Variants in LIMS1 observed in about 807,000 individuals in gnomAD.
The protein encoded by LIMS1 is LIM and senescent cell antigen-like-containing domain protein 1.
A neutral mutation model predicts 44.1 loss-of-function variants in LIMS1; 18 were observed. That is an observed-to-expected ratio of 0.41 (90% confidence interval 0.28 to 0.61). LIMS1 has a LOEUF of 0.61. LIMS1 is among the 20% of genes least tolerant of loss of function. The pLI is 0.32. For missense variants in LIMS1, 201 were observed against 422.0 expected (o/e 0.48, Z 4.59); for synonymous variants, 93 against 149.1 (o/e 0.62, Z 2.74).
chr2:108,567,382 C>G (rs560483603), intron 1 of LIMS1, among the ~76,000 whole-genome samples: 1 of 151,996 alleles, frequency 6.6e-6, no homozygotes, highest in Non-Finnish European at 1.5e-5. Flanking sequence ...GGGATAGGCT[C>G]CAGCCACCTG....
At chr2:108,685,181 T>C (rs532662935) in exon 10 of LIMS1, 10 of 152,290 alleles carry the variant, frequency 6.6e-5, no homozygotes, top group Non-Finnish European at 1.2e-4. Flanking sequence ...ATAATTAATT[T>C]GATTTATTTA....
chr2:108,608,307 CTT>C (rs113575713), intron 1 of LIMS1, among the ~76,000 whole-genome samples: 7 of 140,694 alleles, frequency 5.0e-5, no homozygotes, highest in Non-Finnish European at 6.2e-5. Flanking sequence ...TTTTCACTCA[CTT>C]TTTTTTTTTT....
intron 1 of LIMS1, among the ~76,000 whole-genome samples, chr2:108,566,338 A>G (rs906277180): frequency 1.3e-5 from 2 of 152,204 alleles, no homozygotes; most frequent in African/African-American, 4.8e-5. Flanking sequence ...CAGAAGAAGA[A>G]TTAAGGAATC....
intron 2 of LIMS1, among the ~76,000 whole-genome samples, chr2:108,667,569 T>TATAC (rs1558837834): frequency 1.3e-5 from 2 of 149,150 alleles, no homozygotes; most frequent in Non-Finnish European, 3.0e-5. Flanking sequence ...TATATATATA[T>TATAC]ACTGCTGGGC....
chr2:108,644,504 A>G (rs1241572905), intron 1 of LIMS1, among the ~76,000 whole-genome samples: 6 of 152,216 alleles, frequency 3.9e-5, no homozygotes, highest in South Asian at 2.1e-4. Flanking sequence ...CACCAACTTC[A>G]AAGACCAAAG....
chr2:108,598,298 C>T (rs973199300), intron 1 of LIMS1, among the ~76,000 whole-genome samples: 16 of 152,136 alleles, frequency 1.1e-4, no homozygotes, highest in African/African-American at 3.6e-4. Context: ...CAAACTTTTT[C>T]ATTTATAAAC....
chr2:108,559,217 A>G (rs1471532161), intron 1 of LIMS1, among the ~76,000 whole-genome samples: 1 of 152,188 alleles, frequency 6.6e-6, no homozygotes, highest in East Asian at 1.9e-4. Flanking sequence ...CATAATCACA[A>G]TATCCCTTGA....
At chr2:108,643,688 GA>G (rs57933919) in intron 1 of LIMS1, among the ~76,000 whole-genome samples, 65,968 of 151,590 alleles carry the variant, frequency 0.44, 15,796 homozygotes, top group East Asian at 0.95. Context: ...CCCTGGAAAG[GA>G]GGGCTGAAGC....
intron 1 of LIMS1, among the ~76,000 whole-genome samples, chr2:108,650,482 A>G (rs891630017): frequency 7.3e-5 from 11 of 151,550 alleles, no homozygotes; most frequent in Non-Finnish European, 1.5e-4. Context: ...CAGTTGCACA[A>G]TCTCGGCTCA....
At chr2:108,608,000 T>G (rs1432773214) in intron 1 of LIMS1, among the ~76,000 whole-genome samples, 1 of 152,148 alleles carries the variant, frequency 6.6e-6, no homozygotes, top group African/African-American at 2.4e-5. Context: ...TTCCTTCTTT[T>G]AAAAATAATG....
intron 9 of LIMS1, 186 bp downstream of exon 9, chr2:108,680,956 G>A: frequency 1.5e-6 from 2 of 1,316,730 alleles, no homozygotes; most frequent in South Asian, 3.4e-5. Flanking sequence ...TTCCTTCTTT[G>A]TCCTACTCAA....
chr2:108,605,763 G>A (rs1277044532), intron 1 of LIMS1, among the ~76,000 whole-genome samples: 1 of 152,228 alleles, frequency 6.6e-6, no homozygotes, highest in Non-Finnish European at 1.5e-5. Flanking sequence ...AGACTACAGT[G>A]AGGGACCCAA....
At chr2:108,536,615 A>T (rs1207260760) in intron 1 of LIMS1, among the ~76,000 whole-genome samples, 1 of 152,162 alleles carries the variant, frequency 6.6e-6, no homozygotes, top group Non-Finnish European at 1.5e-5. Flanking sequence ...TTGCTTAGTC[A>T]CCCAGACTGG....
intron 1 of LIMS1, among the ~76,000 whole-genome samples, chr2:108,595,415 T>C (rs1262366551): frequency 1.3e-5 from 2 of 152,196 alleles, no homozygotes; most frequent in Admixed American, 6.5e-5. Flanking sequence ...CAGACCAAGA[T>C]AAATGATGGT....
intron 1 of LIMS1, among the ~76,000 whole-genome samples, chr2:108,628,898 T>TG (rs1688737775): frequency 6.6e-6 from 1 of 152,234 alleles, no homozygotes; most frequent in African/African-American, 2.4e-5. Context: ...CTGGCTAAAG[T>TG]GATCCTCAGC....
chr2:108,572,357 T>C lies in LIMS1; in HGVS notation c.32+37763T>C, dbSNP rs1017578937. On this transcript the variant is annotated intron_variant, in intron 1 of 9. Transcript: ENST00000544547. ...AGCATAACCCTTTGTAATCCTTCTCTCCCTTGGTCTCTGGGACTCTTGCTT... is the reference window on the plus strand; with the variant it reads ...AGCATAACCCTTTGTAATCCTTCTCCCCCTTGGTCTCTGGGACTCTTGCTT... Among the ~76,000 whole-genome samples the C allele has an allele frequency of 4.0e-5, 6 of 148,728 alleles. No homozygotes were observed. In the South Asian group the frequency reaches 1.3e-3, roughly 32 times the overall value.
intron 1 of LIMS1, among the ~76,000 whole-genome samples, chr2:108,620,210 A>T (rs1037300607): frequency 1.3e-5 from 2 of 152,206 alleles, no homozygotes; most frequent in African/African-American, 4.8e-5. Context: ...TATATAGAGC[A>T]GATTCTCTCA....
At chr2:108,557,731 G>C (rs1261366249) in intron 1 of LIMS1, among the ~76,000 whole-genome samples, 1 of 152,002 alleles carries the variant, frequency 6.6e-6, no homozygotes. Flanking sequence ...GCCCAGGCTG[G>C]TCTCAAACTC....
At position 108,678,046 on chromosome 2, in the gene LIMS1, T is replaced by A; in HGVS notation, c.823+19T>A. 2 of 1,606,610 alleles carry A rather than the reference T, an allele frequency of 1.2e-6. No individual in the cohort carries two copies. Among genetic ancestry groups the A allele is most frequent in the Non-Finnish European group, 1.7e-6 (2 of 1,178,804 alleles). On this transcript the variant is annotated intron_variant, in intron 8 of 9. Coordinates refer to ENST00000544547, the Ensembl canonical transcript of LIMS1. ...GGTGATGGTAAGTATCTGTGTGAGT[T>A]TTAGATTGGTGCCACTTTGACACAA...
Sources: gnomAD v4.1 joint callset for allele counts (sites outside exome capture counted in the v4.1 genomes callset) on GRCh38, gnomAD v4.1.1 for gene constraint, MANE v1.5 for transcripts, NCBI Gene and HGNC (gene_info 2026-07-23, HGNC 2026-07-21) for gene names.